UCK1: variants seen among roughly 807,000 people sequenced by gnomAD.
The protein encoded by UCK1 is uridine-cytidine kinase 1.
A neutral mutation model predicts 34.0 loss-of-function variants in UCK1; 20 were observed. The ratio of observed to expected loss-of-function variants is 0.59; its 90% CI spans 0.41 to 0.86. UCK1 has a LOEUF of 0.86. Among genes scored for constraint, UCK1 ranks in the 40% least tolerant of loss-of-function variants. The pLI is 0.00. For missense variants in UCK1, 343 were observed against 383.6 expected (o/e 0.89, Z 0.88); for synonymous variants, 168 against 155.9 (o/e 1.08, Z -0.58).
rs1950525085 is a variant in UCK1 at position 131,524,938 on chromosome 9, G to A, written c.*102C>T. The A allele has an allele frequency of 1.4e-6, 2 of 1,410,930 alleles. No individual in the cohort carries two copies. The highest frequency in any genetic ancestry group is 1.4e-5 in the African/African-American group (1 of 70,280). The allele number at this position is 1,410,930 out of a possible 1,614,324, so 87.4% of individuals were successfully genotyped here. On this transcript the variant is annotated 3_prime_UTR_variant, in exon 7 of 7. Coordinates refer to ENST00000372215, the MANE Select transcript of UCK1 (RefSeq NM_031432.5). Reference sequence around the variant, plus strand: ...AGGCCTCGCTGCTAACACTCCCCTGGGGTGCGCCGAGAGGAAGCAGTGGGT... The same window carrying A: ...AGGCCTCGCTGCTAACACTCCCCTGAGGTGCGCCGAGAGGAAGCAGTGGGT...
At chr9:131,530,751 C>T (rs532655313) in intron 1 of UCK1, 106 bp from the exon 2 acceptor site, 4 of 1,600,402 alleles carry the variant, frequency 2.5e-6, no homozygotes, top group East Asian at 2.2e-5. Flanking sequence ...GGGGTATGCT[C>T]GGAAGGCGGG....
At chr9:131,526,327 A>G (rs1307970866) in intron 5 of UCK1, 1 of 1,036,782 alleles carries the variant, frequency 9.6e-7, no homozygotes, top group African/African-American at 1.6e-5. Context: ...TGGCACTTCT[A>G]CAAAGTGTGA....
At chr9:131,528,529 G>A (rs553883156) in intron 5 of UCK1, among the ~76,000 whole-genome samples, 2 of 152,358 alleles carry the variant, frequency 1.3e-5, no homozygotes, top group South Asian at 4.1e-4. Flanking sequence ...GGCCTTGGCA[G>A]TGAACAGACT....
rs1274827323 is a variant in UCK1, at chr9:131,531,142, G to T, written c.33C>A (p.Ser11Arg). 1 of 1,446,910 alleles carries T rather than the reference G, an allele frequency of 6.9e-7. No individual in the cohort carries two copies. 89.6% of individuals were successfully genotyped at this position (1,446,910 alleles called of 1,614,324 possible). The change falls in exon 1 of 7, where the codon AGC becomes AGA. Residue 11 changes from serine (S) to arginine (R), a missense_variant. Coordinates refer to ENST00000372215, the MANE Select transcript of UCK1 (RefSeq NM_031432.5). The stretch of plus-strand genomic sequence containing the variant: ...GCGGACGGTCGGCCTCCGGCGCGGG[G>T]CTCTCGCAGTCTTCGCCTCCCGCCG... MASAGGEDCE[S>R]PAPEADRPHQ...
intron 5 of UCK1, chr9:131,526,259 C>T (rs1374086377): frequency 2.9e-6 from 2 of 685,008 alleles, no homozygotes; most frequent in Non-Finnish European, 4.9e-6. Context: ...TGTTCCCACT[C>T]CATTACAGGA....
At chr9:131,531,038 G>A in intron 1 of UCK1, 29 bp downstream of exon 1, 1 of 1,336,038 alleles carries the variant, frequency 7.5e-7, no homozygotes, top group East Asian at 3.2e-5. Flanking sequence ...CCGGCGAGAG[G>A]CGAGACCCCG....
chr9:131,527,154 C>A (rs75087367), intron 5 of UCK1, among the ~76,000 whole-genome samples: 44 of 126,732 alleles, frequency 3.5e-4, no homozygotes, highest in African/African-American at 6.3e-4. Flanking sequence ...CCCGTCTGTG[C>A]AAAAAAAAAA....
chr9:131,529,380 C>G lies in UCK1; in HGVS notation c.365+108G>C, dbSNP rs886371727. On this transcript the variant is annotated intron_variant, in intron 3 of 6. Transcript: ENST00000372215. Reference sequence around the variant, plus strand: ...CTGACTGTGGGAAGGGGTGGGGGACCCACAGAAACCAACCGGGGGAGGCCT... The same window carrying G: ...CTGACTGTGGGAAGGGGTGGGGGACGCACAGAAACCAACCGGGGGAGGCCT... The G allele has an allele frequency of 5.6e-5, 89 of 1,600,248 alleles. No homozygotes were observed. In the African/African-American group the frequency reaches 1.2e-3, roughly 21 times the overall value.
At chr9:131,529,961 G>T (rs1950766921) in intron 2 of UCK1, among the ~76,000 whole-genome samples, 1 of 151,972 alleles carries the variant, frequency 6.6e-6, no homozygotes, top group Non-Finnish European at 1.5e-5. Flanking sequence ...ACAAGTCCTT[G>T]GGAAAAGGCT....
chr9:131,524,729 T>C lies in UCK1; in HGVS notation c.*311A>G. The C allele has an allele frequency of 6.7e-6, 2 of 296,300 alleles. No individual in the cohort carries two copies. Among genetic ancestry groups the C allele is most frequent in the Non-Finnish European group, 1.3e-5 (2 of 159,218 alleles). The allele number at this position is 296,300 out of a possible 1,614,324, so 18.4% of individuals were successfully genotyped here. A position where few individuals can be genotyped will look rare whatever the true frequency, so the allele number is the denominator to read the frequency against. ...GCTGTCTCCTCAATTTCCCCAATAATGTGCCTCACATTCCTCACAGAAGCC... is the reference window on the plus strand; with the variant it reads ...GCTGTCTCCTCAATTTCCCCAATAACGTGCCTCACATTCCTCACAGAAGCC... On this transcript the variant is annotated 3_prime_UTR_variant, in exon 7 of 7. Coordinates refer to ENST00000372215, the MANE Select transcript of UCK1 (RefSeq NM_031432.5).
At chr9:131,529,408 C>T (rs1423174024) in intron 3 of UCK1, 80 bp downstream of exon 3, 11 of 1,603,574 alleles carry the variant, frequency 6.9e-6, no homozygotes, top group Middle Eastern at 1.7e-4. Context: ...GGAGGCCTGC[C>T]GCCAGGCAGG....
rs1410743533 is a variant in UCK1 at position 131,530,624 on chromosome 9, T to C, written c.130A>G (p.Met44Val). The change falls in exon 2 of 7, where the codon ATG becomes GTG. Residue 44 changes from methionine (M) to valine (V), a missense_variant. Met to Val is a conservative substitution (Grantham distance 21, BLOSUM62 1). Transcript: ENST00000372215. ...ACCTCGTTCTGTCCCAGCAACTCCA[T>C]GATCTTCTCACACACGGTCGACTGG... is the stretch of plus-strand genomic sequence containing the variant. Reference protein sequence around the residue: ...SGKSTVCEKIMELLGQNEVEQ... With the variant: ...SGKSTVCEKIVELLGQNEVEQ... The C allele has an allele frequency of 1.6e-5, 26 of 1,613,344 alleles. No individual in the cohort carries two copies. Among genetic ancestry groups the C allele is most frequent in the Non-Finnish European group, 2.0e-5 (23 of 1,179,254 alleles).
intron 6 of UCK1, 89 bp from the exon 7 acceptor site, chr9:131,525,310 CGCCCAACCTCT>C: frequency 2.6e-6 from 4 of 1,535,032 alleles, no homozygotes; most frequent in Non-Finnish European, 3.6e-6. Context: ...CAGGAGTGAG[CGCCCAACCTCT>C]GCCCTGAGGC....
At chr9:131,526,451 A>G (rs906240925) in intron 5 of UCK1, 19 of 1,290,338 alleles carry the variant, frequency 1.5e-5, no homozygotes, top group Non-Finnish European at 1.9e-5. Context: ...TTACTCCCTC[A>G]TCCAACCACT....
Position 131,524,809 on chromosome 9 carries a change from A to C in UCK1, c.*231T>G. 31 of 524,012 alleles carry C rather than the reference A, an allele frequency of 5.9e-5. No individual in the cohort carries two copies. The highest frequency in any genetic ancestry group is 6.0e-5 in the Non-Finnish European group (18 of 298,316). 32.5% of individuals were successfully genotyped at this position (524,012 alleles called of 1,614,324 possible). On this transcript the variant is annotated 3_prime_UTR_variant, in exon 7 of 7. Coordinates refer to ENST00000372215, the MANE Select transcript of UCK1 (RefSeq NM_031432.5). ...TTCTCAGTGACCTAGAGGGATCTTT[A>C]AACCGCAACGAGCCTAAGTGGCTGA...
chr9:131,526,244 T>A (rs1950599352), intron 5 of UCK1: 1 of 664,918 alleles, frequency 1.5e-6, no homozygotes, highest in Admixed American at 2.7e-5. Context: ...ACAGCCCCCT[T>A]CCAGTGTTCC....
At chr9:131,525,902 G>C in intron 6 of UCK1, 27 bp downstream of exon 6, 1 of 1,612,292 alleles carries the variant, frequency 6.2e-7, no homozygotes, top group Non-Finnish European at 8.5e-7. Flanking sequence ...AGGGGCGGGG[G>C]GACAGCCCAG....
intron 5 of UCK1, chr9:131,526,436 G>C: frequency 7.7e-7 from 1 of 1,291,456 alleles, no homozygotes; most frequent in Non-Finnish European, 1.0e-6. Flanking sequence ...GACGCTGATG[G>C]TAACTTACTC....
rs747596558 is a variant in UCK1, at chr9:131,529,626, G to A, written c.269-42C>T. ...AAAGGCAAGACAGGCAGATGCCCTC[G>A]TGCAGCGGACAGCAGGGAACCCTCT... On this transcript the variant is annotated intron_variant, in intron 2 of 6. Coordinates refer to ENST00000372215, the MANE Select transcript of UCK1 (RefSeq NM_031432.5). 1.5e-5 allele frequency: 24 copies of A among 1,590,878 alleles called. No individual in the cohort carries two copies. The Admixed American group carries it at 2.2e-4, about 14-fold the overall frequency.
Sources: gnomAD v4.1 joint callset for allele counts (sites outside exome capture counted in the v4.1 genomes callset) on GRCh38, gnomAD v4.1.1 for gene constraint, MANE v1.5 for transcripts, NCBI Gene and HGNC (gene_info 2026-07-23, HGNC 2026-07-21) for gene names.